The following MYO5C variants were observed in gnomAD, a reference collection of about 807,000 sequenced individuals.
The protein encoded by MYO5C is myosin VC.
In MYO5C, 194 loss-of-function variants were observed where a neutral mutation model predicts 235.7. The ratio of observed to expected loss-of-function variants is 0.82; its 90% CI spans 0.73 to 0.93. The LOEUF is 0.93. Ranked by LOEUF, MYO5C falls within the 40% of genes least tolerant of loss-of-function variation. The probability of loss-of-function intolerance (pLI) is 0.00; values close to 1 mark genes in which losing one functional copy is unlikely to be tolerated. For missense variants in MYO5C, 2,038 were observed against 2,127.2 expected (o/e 0.96, Z 0.82); for synonymous variants, 707 against 754.8 (o/e 0.94, Z 1.04).
chr15:52,213,422 C>A, intron 33 of MYO5C, 136 bp from the exon 34 acceptor site: 1 of 636,344 alleles, frequency 1.6e-6, no homozygotes. Flanking sequence ...TAAAACTGTA[C>A]TGTATTGTAT....
chr15:52,295,781 T>C lies in MYO5C; in HGVS notation c.-145A>G. Reference sequence around the variant, plus strand: ...TGCCCAAAGTTTTCCAACGGCCTCCTGTTCCCGTTCCCGAGTTGGCGGCGA... The same window carrying C: ...TGCCCAAAGTTTTCCAACGGCCTCCCGTTCCCGTTCCCGAGTTGGCGGCGA... On this transcript the variant is annotated 5_prime_UTR_variant, in exon 1 of 41. Coordinates refer to ENST00000261839, the MANE Select transcript of MYO5C (RefSeq NM_018728.4). 2.0e-6 allele frequency: 1 copy of C among 510,650 alleles called. No homozygotes were observed. Among genetic ancestry groups the C allele is most frequent in the South Asian group, 4.3e-5 (1 of 23,188 alleles). 31.6% of individuals were successfully genotyped at this position (510,650 alleles called of 1,614,324 possible). A position where few individuals can be genotyped will look rare whatever the true frequency, so the allele number is the denominator to read the frequency against.
chr15:52,194,157 TC>T, intron 40 of MYO5C, 103 bp from the exon 41 acceptor site: 1 of 1,060,260 alleles, frequency 9.4e-7, no homozygotes, highest in African/African-American at 1.6e-5. Context: ...AGTGGAGAGC[TC>T]CTTGCACCAT....
chr15:52,265,386 G>A (rs1426089856), intron 8 of MYO5C, among the ~76,000 whole-genome samples: 1 of 152,086 alleles, frequency 6.6e-6, no homozygotes, highest in East Asian at 1.9e-4. Context: ...GATGCGCTCG[G>A]GCTGGCAGGC....
In MYO5C at chr15:52,196,475, A is replaced by T. The variant is rs961470733; in HGVS notation, c.4829T>A (p.Ile1610Asn). Reference sequence around the variant, plus strand: ...TTTAAGCCATTCTTCTAAGTAGCTGATATTGCACCTGGAGGGAAAGGCAGA... The same window carrying T: ...TTTAAGCCATTCTTCTAAGTAGCTGTTATTGCACCTGGAGGGAAAGGCAGA... Reference protein sequence around the residue: ...CRKGMQIRCNISYLEEWLKDK... With the variant: ...CRKGMQIRCNNSYLEEWLKDK... Residue 1610 changes from isoleucine to asparagine, a missense_variant, in exon 39 of 41, where the codon ATC (isoleucine) becomes AAC (asparagine). By Grantham distance (149) the Ile-to-Asn change is moderately radical. Transcript: ENST00000261839. 20 of 1,612,864 alleles carry T rather than the reference A, an allele frequency of 1.2e-5. No homozygotes were observed. Among genetic ancestry groups the T allele is most frequent in the Admixed American group, 1.7e-5 (1 of 59,778 alleles).
At chr15:52,285,618 G>A (rs974904978) in intron 1 of MYO5C, among the ~76,000 whole-genome samples, 8 of 152,228 alleles carry the variant, frequency 5.3e-5, no homozygotes, top group South Asian at 2.1e-4. Flanking sequence ...CGAGTGGCGC[G>A]CCGCCACGCC....
chr15:52,285,912 ATC>A (rs1239714368), intron 1 of MYO5C, among the ~76,000 whole-genome samples: 2 of 150,718 alleles, frequency 1.3e-5, no homozygotes, highest in African/African-American at 2.5e-5. Flanking sequence ...AGTGAGGAGC[ATC>A]TCTGTCTGGC....
At chr15:52,194,139 C>G in intron 40 of MYO5C, 85 bp from the exon 41 acceptor site, 2 of 1,293,972 alleles carry the variant, frequency 1.5e-6, no homozygotes, top group East Asian at 2.3e-5. Flanking sequence ...CAAAACACAG[C>G]TATCTCTAGT....
intron 29 of MYO5C, among the ~76,000 whole-genome samples, chr15:52,222,472 G>GA (rs1447673542): frequency 6.6e-6 from 1 of 152,164 alleles, no homozygotes; most frequent in Non-Finnish European, 1.5e-5. Context: ...GGAGAGCGGG[G>GA]CGTCCTGGAA....
intron 4 of MYO5C, chr15:52,277,820 G>A (rs1460725379): frequency 2.2e-6 from 1 of 454,620 alleles, no homozygotes; most frequent in Admixed American, 2.3e-5. Context: ...AGACATCTGT[G>A]CAGGAAAGCA....
chr15:52,208,634 C>T lies in MYO5C; in HGVS notation c.4306G>A (p.Glu1436Lys). Residue 1436 changes from glutamate (E) to lysine (K), a missense_variant, in exon 36 of 41, where the codon GAA (glutamate) becomes AAA (lysine). By Grantham distance (56) the Glu-to-Lys change is moderately conservative (BLOSUM62 1). Coordinates refer to ENST00000261839, the MANE Select transcript of MYO5C (RefSeq NM_018728.4). Reference protein sequence around the residue: ...GIKQVVKEHLEDFEMLSFWLS... With the variant: ...GIKQVVKEHLKDFEMLSFWLS... ...CAAAAGGACAGCATTTCAAAGTCTT[C>T]TAAATGTTCCTTAGGAAAATAAGAA... is the stretch of plus-strand genomic sequence containing the variant. The T allele has an allele frequency of 1.2e-6, 2 of 1,613,968 alleles. No individual in the cohort carries two copies. Among genetic ancestry groups the T allele is most frequent in the East Asian group, 2.2e-5 (1 of 44,880 alleles).
intron 34 of MYO5C, among the ~76,000 whole-genome samples, chr15:52,212,311 C>T (rs1405746658): frequency 6.6e-6 from 1 of 152,146 alleles, no homozygotes; most frequent in Admixed American, 6.5e-5. Context: ...CAGAGGATGC[C>T]TGGCTGGCCT....
intron 20 of MYO5C, among the ~76,000 whole-genome samples, chr15:52,241,656 G>A (rs888262089): frequency 2.6e-5 from 4 of 152,078 alleles, no homozygotes; most frequent in African/African-American, 9.7e-5. Flanking sequence ...CACATTATTG[G>A]CTTAAAATGT....
At chr15:52,254,777 G>A (rs1194547754) in intron 11 of MYO5C, among the ~76,000 whole-genome samples, 2 of 152,014 alleles carry the variant, frequency 1.3e-5, no homozygotes, top group Non-Finnish European at 2.9e-5. Context: ...TGGTATAAGT[G>A]TCACTTTGAG....
At chr15:52,207,926 T>C (rs1400664420) in intron 36 of MYO5C, among the ~76,000 whole-genome samples, 1 of 152,234 alleles carries the variant, frequency 6.6e-6, no homozygotes, top group East Asian at 1.9e-4. Context: ...CAACAAGATA[T>C]AATTTTATAC....
chr15:52,199,570 C>CAGAGGTGGAAACTCA (rs2035137233), intron 38 of MYO5C, among the ~76,000 whole-genome samples: 1 of 152,132 alleles, frequency 6.6e-6, no homozygotes, highest in Non-Finnish European at 1.5e-5. Flanking sequence ...GGTTGAAACT[C>CAGAGGTGGAAACTCA]AGAGGTGGGC....
chr15:52,286,404 G>A (rs1315012219), intron 1 of MYO5C, among the ~76,000 whole-genome samples: 5 of 152,074 alleles, frequency 3.3e-5, no homozygotes, highest in African/African-American at 1.2e-4. Flanking sequence ...GAAGTGAGGA[G>A]CCCCTCTGCC....
rs767718675 is a variant in MYO5C at position 52,204,948 on chromosome 15, G to A, written c.4737C>T (p.Leu1579=). Residue 1579 remains leucine, a synonymous_variant, in exon 38 of 41, where the codon CTC becomes CTT. Transcript: ENST00000261839. ...PELVRQAVKQ[L]FFLIGAVTLN... ...GCGTGACCGCCCCGATCAAGAAGAA[G>A]AGCTGCTTCACCGCCTGCCTCACAA... 44 of 1,614,254 alleles carry A rather than the reference G, an allele frequency of 2.7e-5. No individual in the cohort carries two copies. The Middle Eastern group carries it at 8.2e-4, about 30-fold the overall frequency.
In MYO5C at chr15:52,193,600, GACAGA is replaced by G; in HGVS notation, c.*297_*301del. Reference sequence around the variant, plus strand: ...CCCTCCTGGTAGAGCCCTGCCACAAGACAGAACAGATCAAGAGGCACGTGGAAGAA... The same window carrying G: ...CCCTCCTGGTAGAGCCCTGCCACAAGACAGATCAAGAGGCACGTGGAAGAA... On this transcript the variant is annotated 3_prime_UTR_variant, in exon 41 of 41. Coordinates refer to ENST00000261839, the MANE Select transcript of MYO5C (RefSeq NM_018728.4). The G allele has an allele frequency of 3.1e-6, 1 of 319,244 alleles. No homozygotes were observed. The highest frequency in any genetic ancestry group is 5.7e-6 in the Non-Finnish European group (1 of 174,030). 19.8% of individuals were successfully genotyped at this position (319,244 alleles called of 1,614,324 possible). A position where few individuals can be genotyped will look rare whatever the true frequency, so the allele number is the denominator to read the frequency against.
At chr15:52,290,306 T>C (rs1437344509) in intron 1 of MYO5C, among the ~76,000 whole-genome samples, 3 of 152,166 alleles carry the variant, frequency 2.0e-5, no homozygotes, top group Non-Finnish European at 2.9e-5. Context: ...CTCTTTGAAC[T>C]ACCCATACAT....
Sources: allele counts gnomAD v4.1 joint callset (sites outside exome capture counted in the v4.1 genomes callset), GRCh38; gene constraint gnomAD v4.1.1; transcripts MANE v1.5; gene names NCBI Gene and HGNC (gene_info 2026-07-23, HGNC 2026-07-21).